Variants in CPEB4 observed in about 807,000 individuals in gnomAD.
The protein encoded by CPEB4 is cytoplasmic polyadenylation element binding protein 4.
CPEB4 carries 12 observed loss-of-function variants against 72.5 expected under a neutral mutation model. That is an observed-to-expected ratio of 0.17 (90% CI 0.11 to 0.27). CPEB4 has a LOEUF of 0.27. Ranked by LOEUF, CPEB4 falls within the 10% of genes least tolerant of loss-of-function variation. The pLI is 1.00. For missense variants in CPEB4, 614 were observed against 908.5 expected (o/e 0.68, Z 4.17); for synonymous variants, 302 against 326.3 (o/e 0.93, Z 0.80).
chr5:173,920,871 T>A (rs1420228257), intron 2 of CPEB4, among the ~76,000 whole-genome samples: 1 of 152,224 alleles, frequency 6.6e-6, no homozygotes, highest in Non-Finnish European at 1.5e-5. Context: ...ATTTAGTCGG[T>A]TGAGTGAAGG....
chr5:173,890,830 A>T lies in CPEB4; in HGVS notation c.1097A>T (p.Asn366Ile). Residue 366 changes from asparagine (N) to isoleucine (I), a missense_variant, in exon 1 of 10, where the codon AAC becomes ATC. Coordinates refer to ENST00000265085, the MANE Select transcript of CPEB4 (RefSeq NM_030627.4). Reference sequence around the variant, plus strand: ...AAATCCTGGATGGAAGATAGCTTGAACAGGGCTGACAACATTTTTCCTTTT... The same window carrying T: ...AAATCCTGGATGGAAGATAGCTTGATCAGGGCTGACAACATTTTTCCTTTT... ...APKSWMEDSL[N>I]RADNIFPFPD... is the part of the protein sequence containing the mutation. 3 of 1,611,564 alleles carry T rather than the reference A, an allele frequency of 1.9e-6. No individual in the cohort carries two copies. The highest frequency in any genetic ancestry group is 2.5e-6 in the Non-Finnish European group (3 of 1,178,908).
At chr5:173,913,189 C>G (rs1756730280) in intron 2 of CPEB4, among the ~76,000 whole-genome samples, 1 of 151,238 alleles carries the variant, frequency 6.6e-6, no homozygotes, top group South Asian at 2.1e-4. Context: ...AGAGTTGGCA[C>G]ACATTATTCT....
intron 6 of CPEB4, 65 bp from the exon 7 acceptor site, chr5:173,949,895 C>T (rs1224503369): frequency 1.8e-6 from 2 of 1,086,204 alleles, no homozygotes; most frequent in Non-Finnish European, 2.8e-6. Context: ...TGCATGATTC[C>T]TTTCCCCTGA....
chr5:173,933,494 GT>G (rs1308499722), intron 3 of CPEB4, among the ~76,000 whole-genome samples: 2 of 152,130 alleles, frequency 1.3e-5, no homozygotes, highest in East Asian at 3.8e-4. Flanking sequence ...AGACTAAATA[GT>G]TTATAAAATC....
chr5:173,931,318 A>T (rs967285951), intron 2 of CPEB4, among the ~76,000 whole-genome samples: 1 of 152,158 alleles, frequency 6.6e-6, no homozygotes, highest in African/African-American at 2.4e-5. Flanking sequence ...AAGCCATTGG[A>T]GAACCTCTGT....
chr5:173,933,475 ATCT>A (rs1257399934), intron 3 of CPEB4, among the ~76,000 whole-genome samples: 4 of 152,222 alleles, frequency 2.6e-5, no homozygotes, highest in African/African-American at 4.8e-5. Context: ...GGTACATCAG[ATCT>A]TCTAGAGACT....
chr5:173,953,384 G>T, intron 9 of CPEB4, 112 bp downstream of exon 9: 1 of 791,984 alleles, frequency 1.3e-6, no homozygotes, highest in South Asian at 2.6e-5. Flanking sequence ...TGACAATTTT[G>T]CCTATAGAGT....
At chr5:173,948,164 C>G (rs893744964) in intron 5 of CPEB4, among the ~76,000 whole-genome samples, 17 of 152,060 alleles carry the variant, frequency 1.1e-4, no homozygotes, top group Non-Finnish European at 1.5e-5. Context: ...CTGCACAATA[C>G]TAACTAATAT....
intron 3 of CPEB4, among the ~76,000 whole-genome samples, chr5:173,934,520 CG>C (rs1341964076): frequency 6.6e-6 from 1 of 152,000 alleles, no homozygotes; most frequent in Non-Finnish European, 1.5e-5. Context: ...AAGCAAGACC[CG>C]GGAGTGTGGG....
At chr5:173,933,605 C>T (rs926520892) in intron 3 of CPEB4, among the ~76,000 whole-genome samples, 2 of 152,080 alleles carry the variant, frequency 1.3e-5, no homozygotes. Context: ...AAAACCAAAC[C>T]CAGTGGCGAC....
intron 1 of CPEB4, among the ~76,000 whole-genome samples, chr5:173,907,279 C>T (rs1355839563): frequency 5.3e-5 from 8 of 152,136 alleles, no homozygotes; most frequent in African/African-American, 1.2e-4. Flanking sequence ...ACAACAACAA[C>T]AACAACAACA....
chr5:173,957,560 AG>A lies in CPEB4; in HGVS notation c.*1427del, dbSNP rs1483316538. The A allele has an allele frequency of 1.2e-4, 18 of 152,928 alleles. No individual in the cohort carries two copies. The highest frequency in any genetic ancestry group is 3.4e-3 in the Middle Eastern group (1 of 294). The allele number at this position is 152,928 out of a possible 1,614,324, so 9.5% of individuals were successfully genotyped here. On this transcript the variant is annotated 3_prime_UTR_variant, in exon 10 of 10. Coordinates refer to ENST00000265085, the MANE Select transcript of CPEB4 (RefSeq NM_030627.4). The stretch of plus-strand genomic sequence containing the variant: ...CGTTATGTGTTGAACAGTATGCTTC[AG>A]GGGTAAATTTAAAATAGTCTCTTGA...
chr5:173,913,373 T>G (rs1483595624), intron 2 of CPEB4, among the ~76,000 whole-genome samples: 1 of 152,148 alleles, frequency 6.6e-6, no homozygotes, highest in Non-Finnish European at 1.5e-5. Flanking sequence ...AATTTTTGTA[T>G]TTTTAGTAGA....
chr5:173,927,775 TA>T (rs879857220), intron 2 of CPEB4, among the ~76,000 whole-genome samples: 225 of 142,912 alleles, frequency 1.6e-3, no homozygotes, highest in Middle Eastern at 7.1e-3. Flanking sequence ...AGACTCCATC[TA>T]AAAAAAAAAA....
chr5:173,897,576 AT>A (rs1272838967), intron 1 of CPEB4, among the ~76,000 whole-genome samples: 2 of 152,108 alleles, frequency 1.3e-5, no homozygotes, highest in Non-Finnish European at 2.9e-5. Flanking sequence ...CTGAACATGC[AT>A]TTTTTTCTCT....
intron 2 of CPEB4, among the ~76,000 whole-genome samples, chr5:173,913,914 G>A (rs151170807): frequency 7.4e-4 from 113 of 152,282 alleles, no homozygotes; most frequent in African/African-American, 2.4e-3. Flanking sequence ...AGATTTCAGC[G>A]TATTGCCTAA....
At chr5:173,952,163 C>T (rs974313562) in intron 8 of CPEB4, among the ~76,000 whole-genome samples, 3 of 152,110 alleles carry the variant, frequency 2.0e-5, no homozygotes, top group African/African-American at 4.8e-5. Flanking sequence ...GGATGAAAAG[C>T]GTTTCATCCC....
intron 5 of CPEB4, among the ~76,000 whole-genome samples, chr5:173,946,023 T>C (rs899075759): frequency 1.3e-5 from 2 of 152,234 alleles, no homozygotes; most frequent in African/African-American, 4.8e-5. Context: ...TAGAATAGAT[T>C]TCTTTACACA....
intron 2 of CPEB4, among the ~76,000 whole-genome samples, chr5:173,922,357 A>G (rs1266231357): frequency 6.6e-6 from 1 of 151,998 alleles, no homozygotes; most frequent in Non-Finnish European, 1.5e-5. Flanking sequence ...CAGCCTCCCA[A>G]GTAGCTGGAA....
Sources: allele counts gnomAD v4.1 joint callset (sites outside exome capture counted in the v4.1 genomes callset), GRCh38; gene constraint gnomAD v4.1.1; transcripts MANE v1.5; gene names NCBI Gene and HGNC (gene_info 2026-07-23, HGNC 2026-07-21).